The following ZFYVE28 variants were observed in gnomAD, a reference collection of about 807,000 sequenced individuals.
ZFYVE28 encodes zinc finger FYVE-type containing 28.
Under a neutral mutation model 82.1 loss-of-function variants are expected in ZFYVE28, and 40 were observed. The observed-to-expected ratio is 0.49, with a 90% CI of 0.38 to 0.63. The LOEUF is 0.63. ZFYVE28 is among the 30% of genes least tolerant of loss of function. The probability of loss-of-function intolerance (pLI) is 0.00; values close to 1 mark genes in which losing one functional copy is unlikely to be tolerated. For missense variants in ZFYVE28, 1,321 were observed against 1,242.1 expected (o/e 1.06, Z -0.96); for synonymous variants, 612 against 546.1 (o/e 1.12, Z -1.68).
rs185662539 is a variant in ZFYVE28 at position 2,273,154 on chromosome 4, G to A, written c.2323+19C>T. 6.2e-4 allele frequency: 988 copies of A among 1,600,954 alleles called. 5 individuals carry two copies. In the African/African-American group the frequency reaches 0.011, roughly 18 times the overall value. On this transcript the variant is annotated intron_variant, in intron 10 of 12. Coordinates refer to ENST00000290974, the MANE Select transcript of ZFYVE28 (RefSeq NM_020972.3). ...GCCACCAGCGCAGGCCTCAGAGCCC[G>A]TCCTGAGTGGGCACTCACCCTTCCT...
intron 8 of ZFYVE28, among the ~76,000 whole-genome samples, chr4:2,298,545 G>A (rs1438579287): frequency 1.3e-5 from 2 of 152,222 alleles, no homozygotes; most frequent in Non-Finnish European, 2.9e-5. Context: ...GGCGGGGCAT[G>A]TGCCACAGGG....
intron 6 of ZFYVE28, among the ~76,000 whole-genome samples, chr4:2,322,163 G>C (rs942086074): frequency 1.3e-5 from 2 of 152,256 alleles, no homozygotes; most frequent in Admixed American, 1.3e-4. Flanking sequence ...CCGTGGGACA[G>C]GAGATCAGGC....
chr4:2,397,449 G>A (rs1730597093), intron 1 of ZFYVE28, among the ~76,000 whole-genome samples: 1 of 141,356 alleles, frequency 7.1e-6, no homozygotes, highest in Admixed American at 7.8e-5. Flanking sequence ...CTGCACTCCA[G>A]CCTGGGGGCC....
chr4:2,414,606 A>C (rs1219810202), intron 1 of ZFYVE28, among the ~76,000 whole-genome samples: 4 of 152,214 alleles, frequency 2.6e-5, no homozygotes, highest in African/African-American at 9.7e-5. Context: ...TACCCCATCC[A>C]CCCAGCCAGC....
At chr4:2,397,895 C>T (rs998862018) in intron 1 of ZFYVE28, among the ~76,000 whole-genome samples, 9 of 151,982 alleles carry the variant, frequency 5.9e-5, no homozygotes, top group Admixed American at 2.0e-4. Context: ...TTGGAGGCCA[C>T]GCCTACAGGA....
chr4:2,320,150 T>G lies in ZFYVE28; in HGVS notation c.803+20A>C. ...TCCTGTCCCCCTCCCCTCCCCCACC[T>G]CCTCTAGCTCCATCCCCACCTTATT... On this transcript the variant is annotated intron_variant, in intron 7 of 12. Transcript: ENST00000290974. The surrounding 1 kb of genome is among the most constrained non-coding windows in gnomAD (Gnocchi z 5.1). 2.1e-5 allele frequency: 15 copies of G among 724,726 alleles called. No individual in the cohort carries two copies. The highest frequency in any genetic ancestry group is 3.2e-5 in the South Asian group (2 of 63,216). 44.9% of individuals were successfully genotyped at this position (724,726 alleles called of 1,614,324 possible).
At chr4:2,399,083 A>AGGGGAGATCCAGGGCACAAGCGTGG (rs1297197658) in intron 1 of ZFYVE28, among the ~76,000 whole-genome samples, 20 of 117,494 alleles carry the variant, frequency 1.7e-4, no homozygotes, top group South Asian at 2.8e-4. Flanking sequence ...CACAAGCGTG[A>AGGGGAGATCCAGGGCACAAGCGTGG]AGGTGAGATC....
In ZFYVE28 at chr4:2,305,436, C is replaced by T; in HGVS notation, c.904G>A (p.Gly302Arg). ...AGGGCAGGCGCCAGGGCAGCGGGTC[C>T]CTGCACGTCTGCGCGGATGGGGAAC... ...VEFPIRADVQ[G>R]PAALAPALSA... Residue 302 changes from glycine (G) to arginine (R), a missense_variant, in exon 8 of 13, where the codon GGA (glycine) becomes AGA (arginine). Transcript: ENST00000290974. 2 of 1,612,902 alleles carry T rather than the reference C, an allele frequency of 1.2e-6. No homozygotes were observed. Among genetic ancestry groups the T allele is most frequent in the Non-Finnish European group, 8.5e-7 (1 of 1,179,994 alleles).
intron 7 of ZFYVE28, among the ~76,000 whole-genome samples, chr4:2,308,684 A>AC (rs1717034705): frequency 3.1e-4 from 4 of 13,034 alleles, no homozygotes; most frequent in African/African-American, 1.2e-3. Context: ...AAAGAGAAAG[A>AC]AAGAAAAGAA....
At chr4:2,386,731 T>C (rs534365601) in intron 1 of ZFYVE28, among the ~76,000 whole-genome samples, 6 of 152,374 alleles carry the variant, frequency 3.9e-5, no homozygotes, top group Admixed American at 3.9e-4. Flanking sequence ...CCTCCAGGAC[T>C]GTAAGAAACC....
At chr4:2,273,326 A>G in intron 9 of ZFYVE28, 37 bp from the exon 10 acceptor site, 5 of 1,581,950 alleles carry the variant, frequency 3.2e-6, no homozygotes, top group Non-Finnish European at 4.3e-6. Flanking sequence ...CGACAGAAGG[A>G]CGGATGGAAG....
chr4:2,417,922 C>A lies in ZFYVE28; in HGVS notation c.39+363G>T, dbSNP rs891152523. ...GAAGTAGTAGGGGGTCTGCTCCGGG[C>A]CCGCGGGCTGGGGACCACGAAGTGT... is the stretch of plus-strand genomic sequence containing the variant. On this transcript the variant is annotated intron_variant, in intron 1 of 12. Transcript: ENST00000290974. The surrounding 1 kb of genome is among the most constrained non-coding windows in gnomAD (Gnocchi z 4.8). Among the ~76,000 whole-genome samples, 5 of 151,750 alleles carry A rather than the reference C, an allele frequency of 3.3e-5. No homozygotes were observed. The highest frequency in any genetic ancestry group is 4.2e-4 in the South Asian group (2 of 4,786).
intron 1 of ZFYVE28, among the ~76,000 whole-genome samples, chr4:2,390,704 T>C (rs1010933210): frequency 3.9e-5 from 6 of 152,262 alleles, no homozygotes; most frequent in Admixed American, 1.3e-4. Context: ...GGTTTCCCTT[T>C]TGCCTCTCTA....
chr4:2,343,363 T>C (rs2108867416), intron 2 of ZFYVE28: 1 of 152,300 alleles, frequency 6.6e-6, no homozygotes, highest in South Asian at 2.1e-4. Context: ...TCATTTTTCT[T>C]AGGAAGAGAT....
At chr4:2,413,247 G>A (rs1732704267) in intron 1 of ZFYVE28, among the ~76,000 whole-genome samples, 1 of 152,346 alleles carries the variant, frequency 6.6e-6, no homozygotes, top group East Asian at 1.9e-4. Context: ...TTCCTAAGAG[G>A]CCAGGGAGTA....
chr4:2,323,616 A>C (rs1482548975), intron 6 of ZFYVE28, among the ~76,000 whole-genome samples: 3 of 151,888 alleles, frequency 2.0e-5, no homozygotes, highest in African/African-American at 7.3e-5. Flanking sequence ...ATATGTATAC[A>C]TGTGCCATGC....
At chr4:2,367,545 C>A (rs1202646866) in intron 1 of ZFYVE28, among the ~76,000 whole-genome samples, 1 of 152,254 alleles carries the variant, frequency 6.6e-6, no homozygotes, top group Admixed American at 6.5e-5. Flanking sequence ...TTCTCTCCTT[C>A]AAAAATGATT....
At chr4:2,357,679 TCCCGCAGC>T (rs567588704) in intron 1 of ZFYVE28, among the ~76,000 whole-genome samples, 2 of 152,214 alleles carry the variant, frequency 1.3e-5, no homozygotes, top group African/African-American at 4.8e-5. Context: ...TCCACGTGTG[TCCCGCAGC>T]CCTGACTGCA....
At position 2,339,952 on chromosome 4, in the gene ZFYVE28, G is replaced by C. The variant is rs1269899385; in HGVS notation, c.319-297C>G. Among the ~76,000 whole-genome samples the C allele has an allele frequency of 6.8e-6, 1 of 147,664 alleles. No individual in the cohort carries two copies. On this transcript the variant is annotated intron_variant, in intron 3 of 12. Coordinates refer to ENST00000290974, the MANE Select transcript of ZFYVE28 (RefSeq NM_020972.3). This position sits in a 1 kb window ranked among gnomAD's most constrained non-coding sequence, Gnocchi z 5.0. ...GAGGGGAGGGCAGGGGAGGGGAGGG[G>C]AGGGGAAGGTGGACTGAGGCCCTTG...
Sources: allele counts gnomAD v4.1 joint callset (sites outside exome capture counted in the v4.1 genomes callset), GRCh38; gene constraint gnomAD v4.1.1; non-coding constraint Gnocchi (gnomAD v3.1); transcripts MANE v1.5; gene names NCBI Gene and HGNC (gene_info 2026-07-23, HGNC 2026-07-21).